CBFB: variants seen among roughly 807,000 people sequenced by gnomAD.
CBFB encodes CBF-beta.
CBFB carries 9 observed loss-of-function variants against 30.4 expected under a neutral mutation model. The ratio of observed to expected loss-of-function variants is 0.30; its 90% CI spans 0.18 to 0.52. CBFB has a LOEUF of 0.52. Among genes scored for constraint, CBFB ranks in the 20% least tolerant of loss-of-function variants. CBFB has a pLI of 0.97. For synonymous variants in CBFB, 94 were observed against 84.0 expected (o/e 1.12, Z -0.65); for missense variants, 170 against 244.0 (o/e 0.70, Z 2.02).
intron 4 of CBFB, among the ~76,000 whole-genome samples, chr16:67,080,529 A>G (rs1183584978): frequency 6.6e-6 from 1 of 152,186 alleles, no homozygotes; most frequent in Non-Finnish European, 1.5e-5. Context: ...TAGAGAAGAA[A>G]GTTTAAGTTG....
chr16:67,041,314 G>C (rs2145719510), intron 3 of CBFB, among the ~76,000 whole-genome samples: 1 of 152,260 alleles, frequency 6.6e-6, no homozygotes, highest in East Asian at 1.9e-4. Flanking sequence ...GTTAATAATA[G>C]GTTATAGGGG....
rs1377785309 is a variant in CBFB at position 67,099,765 on chromosome 16, A to G, written c.*987A>G. ...AGCTTCTTCATGTATGTAACAGCAT[A>G]TTAAACTGGAGACAGTGATGAATCA... On this transcript the variant is annotated 3_prime_UTR_variant, in exon 6 of 6. Coordinates refer to ENST00000412916, the MANE Select transcript of CBFB (RefSeq NM_022845.3). 2 of 207,558 alleles carry G rather than the reference A, an allele frequency of 9.6e-6. No individual in the cohort carries two copies. The highest frequency in any genetic ancestry group is 1.9e-4 in the South Asian group (1 of 5,316). 12.9% of individuals were successfully genotyped at this position (207,558 alleles called of 1,614,324 possible). A position where few individuals can be genotyped will look rare whatever the true frequency, so the allele number is the denominator to read the frequency against.
At chr16:67,033,948 C>G (rs1966400816) in intron 2 of CBFB, among the ~76,000 whole-genome samples, 1 of 151,930 alleles carries the variant, frequency 6.6e-6, no homozygotes, top group South Asian at 2.1e-4. Flanking sequence ...CCTGCCTCAG[C>G]CTCCCGAGTA....
At chr16:67,097,117 C>A (rs959768795) in intron 5 of CBFB, among the ~76,000 whole-genome samples, 2 of 152,028 alleles carry the variant, frequency 1.3e-5, no homozygotes, top group African/African-American at 4.8e-5. Flanking sequence ...TGCCTGTGGT[C>A]ACAGCTACTC....
At chr16:67,086,495 A>ATT (rs1390015416) in intron 5 of CBFB, among the ~76,000 whole-genome samples, 2 of 152,234 alleles carry the variant, frequency 1.3e-5, no homozygotes, top group Admixed American at 1.3e-4. Context: ...GGAGCCCCTG[A>ATT]TTTTTGTGTC....
At chr16:67,043,027 C>T (rs1966558168) in intron 3 of CBFB, among the ~76,000 whole-genome samples, 2 of 152,252 alleles carry the variant, frequency 1.3e-5, no homozygotes, top group African/African-American at 2.4e-5. Context: ...TGAGCCACTG[C>T]GCCTGGTCCA....
At chr16:67,057,744 A>C (rs983231335) in intron 3 of CBFB, among the ~76,000 whole-genome samples, 1 of 151,888 alleles carries the variant, frequency 6.6e-6, no homozygotes, top group Admixed American at 6.6e-5. Flanking sequence ...AGTTTTTTCA[A>C]CTCCACTGGT....
In CBFB at chr16:67,061,134, T is replaced by C. The variant is rs377690467; in HGVS notation, c.283-5548T>C. The stretch of plus-strand genomic sequence containing the variant: ...TTGAATATAACATCACAAATACTTA[T>C]ATTTAGAGCTTGAGATGATTAAAAA... On this transcript the variant is annotated intron_variant, in intron 3 of 5. Transcript: ENST00000412916. Among the ~76,000 whole-genome samples, 10 of 152,364 alleles carry C rather than the reference T, an allele frequency of 6.6e-5. 1 individual carries two copies. Among genetic ancestry groups the C allele is most frequent in the Admixed American group, 5.9e-4 (9 of 15,302 alleles).
intron 5 of CBFB, among the ~76,000 whole-genome samples, chr16:67,096,311 A>C (rs75645958): frequency 6.8e-6 from 1 of 147,100 alleles, no homozygotes; most frequent in African/African-American, 2.5e-5. Context: ...ACTCTGTCTC[A>C]AAAAAAAAAA....
intron 3 of CBFB, among the ~76,000 whole-genome samples, chr16:67,039,464 A>G (rs959135748): frequency 6.6e-6 from 1 of 152,206 alleles, no homozygotes; most frequent in East Asian, 1.9e-4. Context: ...CTTAGGCCGC[A>G]CTAAATCTAT....
intron 3 of CBFB, among the ~76,000 whole-genome samples, chr16:67,039,976 ACTT>A (rs1414212989): frequency 6.6e-6 from 1 of 152,108 alleles, no homozygotes; most frequent in Non-Finnish European, 1.5e-5. Context: ...CATCTGTACT[ACTT>A]CTGTACTACT....
intron 5 of CBFB, among the ~76,000 whole-genome samples, chr16:67,098,259 C>T (rs1962114388): frequency 6.6e-6 from 1 of 152,102 alleles, no homozygotes; most frequent in South Asian, 2.1e-4. Context: ...CCTCAGCCTC[C>T]CAAGTTGCTG....
chr16:67,067,492 T>C (rs1961094634), intron 4 of CBFB, among the ~76,000 whole-genome samples: 1 of 152,212 alleles, frequency 6.6e-6, no homozygotes, highest in African/African-American at 2.4e-5. Flanking sequence ...CACTCCAGGC[T>C]GGGCAACAGA....
chr16:67,060,326 C>CTA lies in CBFB; in HGVS notation c.283-6355_283-6354insAT, dbSNP rs1010378298. The stretch of plus-strand genomic sequence containing the variant: ...CAATTCACATACCATAAAATTCACT[C>CTA]TTTTAGAGTGTACGATTCATTGATT... On this transcript the variant is annotated intron_variant, in intron 3 of 5. Coordinates refer to ENST00000412916, the MANE Select transcript of CBFB (RefSeq NM_022845.3). Among the ~76,000 whole-genome samples, 141 of 152,250 alleles carry CTA rather than the reference C, an allele frequency of 9.3e-4. 1 individual carries two copies. Among genetic ancestry groups the CTA allele is most frequent in the African/African-American group, 3.2e-3 (133 of 41,560 alleles).
chr16:67,099,248 A>T lies in CBFB; in HGVS notation c.*470A>T, dbSNP rs949323451. On this transcript the variant is annotated 3_prime_UTR_variant, in exon 6 of 6. Transcript: ENST00000412916. ...TCTTATTTTTTGTTTTGTTTGCCCC[A>T]TTTCCTTTTGTGTTTTTATAGTCTA... 7 of 230,424 alleles carry T rather than the reference A, an allele frequency of 3.0e-5. No homozygotes were observed. The highest frequency in any genetic ancestry group is 6.0e-5 in the Non-Finnish European group (7 of 117,430). 14.3% of individuals were successfully genotyped at this position (230,424 alleles called of 1,614,324 possible).
At position 67,029,796 on chromosome 16, in the gene CBFB, G is replaced by A. The variant is rs1312183708; in HGVS notation, c.148G>A (p.Asp50Asn). ...GGCACGCTTCCAGAACGCCTGCCGC[G>A]ACGGCCGCTCGGAAATCGTAAGTCG... Reference protein sequence around the residue: ...RQARFQNACRDGRSEIAFVAT... With the variant: ...RQARFQNACRNGRSEIAFVAT... Residue 50 changes from aspartate (D) to asparagine (N), a missense_variant, in exon 2 of 6, where the codon GAC (aspartate) becomes AAC (asparagine). Asp to Asn is a conservative substitution (Grantham distance 23, BLOSUM62 1). Transcript: ENST00000412916. The A allele has an allele frequency of 1.3e-6, 2 of 1,588,366 alleles. No individual in the cohort carries two copies. The highest frequency in any genetic ancestry group is 1.7e-6 in the Non-Finnish European group (2 of 1,169,572).
In CBFB at chr16:67,100,779, C is replaced by T. The variant is rs1441040411; in HGVS notation, c.*2001C>T. On this transcript the variant is annotated 3_prime_UTR_variant, in exon 6 of 6. Coordinates refer to ENST00000412916, the MANE Select transcript of CBFB (RefSeq NM_022845.3). ...AATACTGGATTTTTCTGTCATTTAG[C>T]ACCATGCTGCTTCTGTCTGTCTTAA... 4.6e-6 allele frequency: 1 copy of T among 216,404 alleles called. No homozygotes were observed. The allele number at this position is 216,404 out of a possible 1,614,324, so 13.4% of individuals were successfully genotyped here.
intron 3 of CBFB, among the ~76,000 whole-genome samples, chr16:67,063,147 A>G (rs1047776406): frequency 1.3e-5 from 2 of 152,318 alleles, no homozygotes; most frequent in South Asian, 2.1e-4. Flanking sequence ...AGAGGTCGGC[A>G]TAGTCACTTG....
intron 5 of CBFB, among the ~76,000 whole-genome samples, chr16:67,096,466 C>CAT (rs141061396): frequency 0.037 from 5,544 of 150,894 alleles, 338 homozygotes; most frequent in African/African-American, 0.13. Flanking sequence ...AGAAAATATA[C>CAT]ATATATATAT....
Sources: allele counts gnomAD v4.1 joint callset (sites outside exome capture counted in the v4.1 genomes callset), GRCh38; gene constraint gnomAD v4.1.1; transcripts MANE v1.5; gene names NCBI Gene and HGNC (gene_info 2026-07-23, HGNC 2026-07-21).